Variants in POLN observed in about 807,000 individuals in gnomAD.
POLN encodes DNA polymerase nu, also known as DNA polymerase N.
POLN carries 108 observed loss-of-function variants against 113.5 expected under a neutral mutation model. The ratio of observed to expected loss-of-function variants is 0.95; its 90% confidence interval spans 0.81 to 1.12. The LOEUF is 1.12. POLN is among the 50% of genes most tolerant of loss of function. POLN has a pLI of 0.00. For synonymous variants in POLN, 386 were observed against 391.5 expected (o/e 0.99, Z 0.17); for missense variants, 1,097 against 1,077.1 (o/e 1.02, Z -0.26).
At chr4:2,231,310 T>A (rs1447862959) in intron 2 of POLN, 1 of 152,352 alleles carries the variant, frequency 6.6e-6, no homozygotes, top group African/African-American at 2.4e-5. Flanking sequence ...TTTTAAAATA[T>A]TTAATAGCGG....
In POLN at chr4:2,241,671, G is replaced by A; in HGVS notation, c.-164C>T. ...GAGGCAGCCCCGACGCCAGGGCCGC[G>A]CGAACCCCAGAGGCAGCGGCAAGCC... On this transcript the variant is annotated 5_prime_UTR_variant, in exon 2 of 26. Coordinates refer to ENST00000511885, the MANE Select transcript of POLN (RefSeq NM_181808.4). 1.0e-6 allele frequency: 1 copy of A among 985,478 alleles called. No homozygotes were observed. The highest frequency in any genetic ancestry group is 1.2e-6 in the Non-Finnish European group (1 of 829,936). The allele number at this position is 985,478 out of a possible 1,614,324, so 61.0% of individuals were successfully genotyped here. A position where few individuals can be genotyped will look rare whatever the true frequency, so the allele number is the denominator to read the frequency against.
chr4:2,170,379 C>T (rs1031888158), intron 13 of POLN, among the ~76,000 whole-genome samples: 2 of 152,124 alleles, frequency 1.3e-5, no homozygotes, highest in African/African-American at 4.8e-5. Context: ...CTTGGGGACA[C>T]GAAGCAAAGA....
intron 9 of POLN, among the ~76,000 whole-genome samples, 196 bp downstream of exon 9, chr4:2,176,070 C>T (rs767124125): frequency 6.6e-6 from 1 of 152,218 alleles, no homozygotes; most frequent in Admixed American, 6.5e-5. Context: ...TTGTTTTCAA[C>T]CTACAGAAAG....
chr4:2,157,985 TC>T, intron 14 of POLN, 74 bp from the exon 15 acceptor site: 1 of 1,202,238 alleles, frequency 8.3e-7, no homozygotes, highest in Non-Finnish European at 1.2e-6. Context: ...GGAGTCTCGC[TC>T]CATTGCCCAG....
At chr4:2,224,264 T>G (rs1734331230) in intron 3 of POLN, among the ~76,000 whole-genome samples, 1 of 152,168 alleles carries the variant, frequency 6.6e-6, no homozygotes, top group East Asian at 1.9e-4. Flanking sequence ...CTGTATCTTG[T>G]CCCCCTGGAA....
intron 16 of POLN, among the ~76,000 whole-genome samples, chr4:2,154,542 C>T (rs1448941315): frequency 6.6e-6 from 1 of 152,174 alleles, no homozygotes; most frequent in Non-Finnish European, 1.5e-5. Flanking sequence ...AAGCATTTCA[C>T]ATACTATGTG....
intron 3 of POLN, among the ~76,000 whole-genome samples, chr4:2,227,069 C>T (rs938668721): frequency 3.3e-5 from 5 of 152,304 alleles, no homozygotes; most frequent in African/African-American, 7.2e-5. Context: ...AACCCCAAAC[C>T]GCTTTGAGGG....
chr4:2,139,040 C>G (rs957325991), intron 16 of POLN, among the ~76,000 whole-genome samples: 2 of 151,906 alleles, frequency 1.3e-5, no homozygotes, highest in African/African-American at 4.8e-5. Context: ...AAAGGAGATG[C>G]TCATGCAGTG....
intron 19 of POLN, among the ~76,000 whole-genome samples, chr4:2,106,046 T>C (rs1298306328): frequency 6.6e-6 from 1 of 152,160 alleles, no homozygotes; most frequent in African/African-American, 2.4e-5. Flanking sequence ...TTTACTCCGG[T>C]ACTCTTTTTT....
intron 2 of POLN, among the ~76,000 whole-genome samples, chr4:2,233,858 CTT>C (rs1236521952): frequency 6.6e-6 from 1 of 152,102 alleles, no homozygotes; most frequent in Non-Finnish European, 1.5e-5. Flanking sequence ...CTAGTAGACA[CTT>C]ATATAGTGCT....
At chr4:2,075,582 G>A (rs1730255980) in intron 23 of POLN, 63 bp from the exon 24 acceptor site, 4 of 1,572,756 alleles carry the variant, frequency 2.5e-6, no homozygotes, top group Non-Finnish European at 3.5e-6. Context: ...CCACCAGCCT[G>A]GCAGGGAGGG....
rs181809475 is a variant in POLN at position 2,200,990 on chromosome 4, G to A, written c.715-2273C>T. 6.8e-4 allele frequency among the ~76,000 whole-genome samples: 104 copies of A among 152,174 alleles called. No individual in the cohort carries two copies. In the East Asian group the frequency reaches 0.011, roughly 16 times the overall value. On this transcript the variant is annotated intron_variant, in intron 5 of 25. Transcript: ENST00000511885. ...ATGATACAAGAAATGAGGGGAGGCC[G>A]GGCACTGTGGCTCACGCCTGTAATC...
intron 5 of POLN, among the ~76,000 whole-genome samples, chr4:2,206,826 G>C (rs1379037288): frequency 6.6e-6 from 1 of 152,188 alleles, no homozygotes; most frequent in Non-Finnish European, 1.5e-5. Context: ...CAATCACTAT[G>C]GCAAACAGTG....
chr4:2,176,010 T>C (rs551501431), intron 9 of POLN, among the ~76,000 whole-genome samples: 3 of 152,354 alleles, frequency 2.0e-5, no homozygotes, highest in South Asian at 2.1e-4. Context: ...ACATTAACTA[T>C]GGCATTGGAA....
chr4:2,186,702 G>T (rs1012857147), intron 7 of POLN, among the ~76,000 whole-genome samples: 10 of 152,172 alleles, frequency 6.6e-5, no homozygotes, highest in Admixed American at 2.0e-4. Context: ...TCAATGCAAA[G>T]AAATAGACGT....
chr4:2,170,648 A>G, intron 13 of POLN, 31 bp downstream of exon 13: 15 of 1,578,804 alleles, frequency 9.5e-6, no homozygotes, highest in Non-Finnish European at 1.1e-5. Flanking sequence ...CTGTCATTCT[A>G]AAAAGAAAAA....
chr4:2,080,848 G>A (rs1405639113), intron 23 of POLN, 110 bp downstream of exon 23: 1 of 1,587,172 alleles, frequency 6.3e-7, no homozygotes, highest in Non-Finnish European at 8.6e-7. Flanking sequence ...GGAGGGGACG[G>A]GGGCCCGATA....
intron 23 of POLN, chr4:2,078,792 G>T: frequency 5.1e-6 from 5 of 985,498 alleles, no homozygotes; most frequent in Non-Finnish European, 6.0e-6. Flanking sequence ...ATGACAGAAG[G>T]ATGACCAGCG....
intron 23 of POLN, among the ~76,000 whole-genome samples, chr4:2,078,160 C>T (rs1346869157): frequency 1.3e-5 from 2 of 152,230 alleles, no homozygotes; most frequent in Non-Finnish European, 1.5e-5. Flanking sequence ...CATGCAGACC[C>T]GCCTTGAGAA....
Sources: gnomAD v4.1 joint callset for allele counts (sites outside exome capture counted in the v4.1 genomes callset) on GRCh38, gnomAD v4.1.1 for gene constraint, MANE v1.5 for transcripts, NCBI Gene and HGNC (gene_info 2026-07-23, HGNC 2026-07-21) for gene names.